Variants in TTC27 observed in about 807,000 individuals in gnomAD.
TTC27 encodes tetratricopeptide repeat domain 27.
Under a neutral mutation model 115.9 loss-of-function variants are expected in TTC27, and 79 were observed. The ratio of observed to expected loss-of-function variants is 0.68; its 90% CI spans 0.57 to 0.82. TTC27 has a LOEUF of 0.82. TTC27 is among the 40% of genes least tolerant of loss of function. The pLI is 0.00. For missense variants in TTC27, 1,054 were observed against 993.1 expected, an observed-to-expected ratio of 1.06 and a Z score of -0.82; for synonymous variants, 401 against 356.0, an observed-to-expected ratio of 1.13 and a Z score of -1.42.
chr2:32,748,798 C>T (rs1668913991), intron 12 of TTC27, among the ~76,000 whole-genome samples: 1 of 151,912 alleles, frequency 6.6e-6, no homozygotes, highest in African/African-American at 2.4e-5. Context: ...AGTGATTCTC[C>T]TGCCTCAGCA....
chr2:32,702,619 C>T (rs1270173891), intron 9 of TTC27, among the ~76,000 whole-genome samples, 188 bp from the exon 10 acceptor site: 1 of 152,164 alleles, frequency 6.6e-6, no homozygotes. Flanking sequence ...AGAAAGCATT[C>T]TCATATGTTT....
At chr2:32,817,982 G>T (rs11693565) in intron 19 of TTC27, among the ~76,000 whole-genome samples, 1 of 151,796 alleles carries the variant, frequency 6.6e-6, no homozygotes, top group Non-Finnish European at 1.5e-5. Context: ...TCTTGAACCC[G>T]GGAGGCAGAG....
At chr2:32,789,874 T>G (rs114390530) in intron 16 of TTC27, among the ~76,000 whole-genome samples, 363 of 122,542 alleles carry the variant, frequency 3.0e-3, no homozygotes, top group African/African-American at 0.011. Flanking sequence ...TGAGCCATGA[T>G]CACACCACTG....
chr2:32,716,454 C>A (rs1431799778), intron 10 of TTC27, among the ~76,000 whole-genome samples: 1 of 151,922 alleles, frequency 6.6e-6, no homozygotes, highest in East Asian at 1.9e-4. Flanking sequence ...TTAGCTATTT[C>A]TTTTTTAGTT....
chr2:32,644,369 G>A (rs567149676), intron 4 of TTC27, among the ~76,000 whole-genome samples: 213 of 151,162 alleles, frequency 1.4e-3, no homozygotes, highest in African/African-American at 5.0e-3. Context: ...AAAAAAGTAT[G>A]TTAAGCATCA....
chr2:32,789,422 A>G (rs1670455157), intron 16 of TTC27, among the ~76,000 whole-genome samples: 1 of 152,174 alleles, frequency 6.6e-6, no homozygotes, highest in South Asian at 2.1e-4. Flanking sequence ...TCTGTATTTG[A>G]GTATCTGTAA....
chr2:32,690,777 T>C (rs1666783166), intron 9 of TTC27, among the ~76,000 whole-genome samples: 1 of 152,236 alleles, frequency 6.6e-6, no homozygotes. Context: ...TATTTATAGA[T>C]TAAACTTGGA....
chr2:32,716,500 T>A (rs1345917902), intron 10 of TTC27, among the ~76,000 whole-genome samples: 1 of 152,200 alleles, frequency 6.6e-6, no homozygotes, highest in East Asian at 1.9e-4. Flanking sequence ...CTTTAAATAT[T>A]ACATTTCTTT....
chr2:32,723,728 C>CTCCTTCCTTCCTTCCT (rs3077160), intron 10 of TTC27, among the ~76,000 whole-genome samples: 2,012 of 29,358 alleles, frequency 0.069, 166 homozygotes, highest in Non-Finnish European at 0.085. Context: ...CCCTCCCTCC[C>CTCCTTCCTTCCTTCCT]TCCTTCCTTC....
chr2:32,798,566 G>T (rs1309824893), intron 16 of TTC27, among the ~76,000 whole-genome samples: 1 of 150,090 alleles, frequency 6.7e-6, no homozygotes, highest in African/African-American at 2.5e-5. Flanking sequence ...TTAGCCAGGC[G>T]TGGTGGTGGG....
At chr2:32,672,788 T>C (rs1222255252) in intron 8 of TTC27, among the ~76,000 whole-genome samples, 1 of 152,226 alleles carries the variant, frequency 6.6e-6, no homozygotes, top group Non-Finnish European at 1.5e-5. Context: ...AGAAATAATT[T>C]CAAATTTGTG....
chr2:32,762,143 G>C (rs1669456742), intron 13 of TTC27, among the ~76,000 whole-genome samples: 1 of 152,186 alleles, frequency 6.6e-6, no homozygotes, highest in Non-Finnish European at 1.5e-5. Flanking sequence ...TCTACTTTTG[G>C]TAGACAATGA....
chr2:32,698,473 A>G (rs1215898068), intron 9 of TTC27, among the ~76,000 whole-genome samples: 1 of 106,864 alleles, frequency 9.4e-6, no homozygotes, highest in Non-Finnish European at 2.2e-5. Context: ...AGCATTTGGA[A>G]CATGTTGTCT....
chr2:32,646,972 G>T (rs1333876282), intron 4 of TTC27, among the ~76,000 whole-genome samples: 1 of 147,124 alleles, frequency 6.8e-6, no homozygotes. Flanking sequence ...TTTTTTGTTT[G>T]TTTTTTGTTT....
chr2:32,812,990 G>T (rs997095566), intron 18 of TTC27, among the ~76,000 whole-genome samples: 1 of 151,902 alleles, frequency 6.6e-6, no homozygotes, highest in African/African-American at 2.4e-5. Context: ...AGATCTCTGG[G>T]GTACATAGCA....
At chr2:32,687,950 A>T (rs1666690258) in intron 9 of TTC27, among the ~76,000 whole-genome samples, 1 of 152,226 alleles carries the variant, frequency 6.6e-6, no homozygotes, top group African/African-American at 2.4e-5. Context: ...AGCCATTTTG[A>T]CTGAATTGAT....
intron 16 of TTC27, among the ~76,000 whole-genome samples, chr2:32,795,468 G>A (rs1054032074): frequency 2.0e-5 from 3 of 151,846 alleles, no homozygotes; most frequent in African/African-American, 7.2e-5. Context: ...CATAATAAAA[G>A]CCAGGTATGA....
At chr2:32,630,962 G>A (rs996532790) in intron 2 of TTC27, among the ~76,000 whole-genome samples, 10 of 151,818 alleles carry the variant, frequency 6.6e-5, no homozygotes, top group African/African-American at 1.7e-4. Flanking sequence ...AGGTCTGGTC[G>A]GCTTTACCCA....
At chr2:32,772,834 C>A (rs952310834) in intron 13 of TTC27, among the ~76,000 whole-genome samples, 1 of 152,084 alleles carries the variant, frequency 6.6e-6, no homozygotes, top group Non-Finnish European at 1.5e-5. Flanking sequence ...GAACCCAGTC[C>A]CCTCTGGGTT....
Sources: gnomAD v4.1 joint callset for allele counts (sites outside exome capture counted in the v4.1 genomes callset) on GRCh38, gnomAD v4.1.1 for gene constraint, MANE v1.5 for transcripts, NCBI Gene and HGNC (gene_info 2026-07-23, HGNC 2026-07-21) for gene names.